Variants in ALDH1L2 observed in about 807,000 individuals in gnomAD.
ALDH1L2 encodes mitochondrial 10-formyltetrahydrofolate dehydrogenase.
ALDH1L2 carries 91 observed loss-of-function variants against 111.0 expected under a neutral mutation model. That is an observed-to-expected ratio of 0.82 (90% CI 0.69 to 0.98). The LOEUF is 0.98. Ranked by LOEUF, ALDH1L2 falls within the 50% of genes least tolerant of loss-of-function variation. The probability of loss-of-function intolerance (pLI) is 0.00; values close to 1 mark genes in which losing one functional copy is unlikely to be tolerated. For synonymous variants in ALDH1L2, 374 were observed against 392.6 expected (o/e 0.95, Z 0.56); for missense variants, 995 against 1,126.8 (o/e 0.88, Z 1.67).
rs761167365 is a variant in ALDH1L2, at chr12:105,058,104, TCTC to T, written c.1253_1255del (p.Gly418del). The T allele has an allele frequency of 1.2e-5, 20 of 1,613,340 alleles. No homozygotes were observed. The highest frequency in any genetic ancestry group is 4.5e-5 in the East Asian group (2 of 44,838). ...TACAACCAGCTCCACCTCTTGATCTTCTCCTCTCAGTTTCCTCACGACCTTTTG... is the reference window on the plus strand; with the variant it reads ...TACAACCAGCTCCACCTCTTGATCTTCTCTCAGTTTCCTCACGACCTTTTG... On this transcript the variant is annotated inframe_deletion, in exon 10 of 23. Coordinates refer to ENST00000258494, the MANE Select transcript of ALDH1L2 (RefSeq NM_001034173.4).
Position 105,062,992 on chromosome 12 carries a change from T to G in ALDH1L2, c.817A>C (p.Asn273His), listed in dbSNP as rs146068404. ...MVTFYGSTLLNSSVPPGEPLE... is the reference protein window; with the variant it reads ...MVTFYGSTLLHSSVPPGEPLE... ...GGTTCTCCAGGAGGCACAGAGCTATTCAGTAATGTCGAGCCATAGAAAGTG... is the reference window on the plus strand; with the variant it reads ...GGTTCTCCAGGAGGCACAGAGCTATGCAGTAATGTCGAGCCATAGAAAGTG... Residue 273 changes from asparagine (N) to histidine (H), a missense_variant, in exon 7 of 23, where the codon AAT (asparagine) becomes CAT (histidine). Transcript: ENST00000258494. 36 of 1,613,968 alleles carry G rather than the reference T, an allele frequency of 2.2e-5. No individual in the cohort carries two copies. The African/African-American group carries it at 4.3e-4, about 19-fold the overall frequency.
At chr12:105,045,655 C>A (rs75621636) in intron 15 of ALDH1L2, among the ~76,000 whole-genome samples, 10 of 152,046 alleles carry the variant, frequency 6.6e-5, no homozygotes, top group Non-Finnish European at 1.3e-4. Context: ...CTCTTTGTAT[C>A]TTTTGAATTT....
chr12:105,065,211 T>A, intron 6 of ALDH1L2, 56 bp downstream of exon 6: 1 of 1,127,142 alleles, frequency 8.9e-7, no homozygotes, highest in Non-Finnish European at 1.2e-6. Context: ...CTGTAATATC[T>A]CTTACAAAGG....
intron 18 of ALDH1L2, among the ~76,000 whole-genome samples, chr12:105,034,789 G>T (rs10861311): frequency 6.6e-6 from 1 of 151,952 alleles, no homozygotes; most frequent in Non-Finnish European, 1.5e-5. Context: ...TTCAAGACCA[G>T]TGTGGCCAAC....
At chr12:105,073,018 G>A (rs1347130465) in intron 2 of ALDH1L2, among the ~76,000 whole-genome samples, 2 of 152,160 alleles carry the variant, frequency 1.3e-5, no homozygotes, top group Admixed American at 1.3e-4. Context: ...AGACATCCAG[G>A]TGTTGAGCTT....
Position 105,031,809 on chromosome 12 carries a change from C to A in ALDH1L2, c.2370G>T (p.Gly790=), listed in dbSNP as rs375364740. 98 of 1,614,056 alleles carry A rather than the reference C, an allele frequency of 6.1e-5. No individual in the cohort carries two copies. Among genetic ancestry groups the A allele is most frequent in the Non-Finnish European group, 8.1e-5 (96 of 1,180,020 alleles). The part of the protein sequence containing the change: ...LQYCETGVKE[G]ATLVYGGRQV... ...GTCTTCCCCCGTACACCAAAGTGGC[C>A]CCTTCTTTCACTCCAGTTTCACAGT... The change falls in exon 20 of 23, where the codon GGG becomes GGT. Residue 790 remains glycine, a synonymous_variant. Coordinates refer to ENST00000258494, the MANE Select transcript of ALDH1L2 (RefSeq NM_001034173.4).
rs1357443661 is a variant in ALDH1L2 at position 105,067,141 on chromosome 12, G to A, written c.595-472C>T. On this transcript the variant is annotated intron_variant, in intron 4 of 22. Coordinates refer to ENST00000258494, the MANE Select transcript of ALDH1L2 (RefSeq NM_001034173.4). ...TGAGGCAGGAGAATGGCGTGAACCC[G>A]GGAGGCAGAGCTTGCAGTGAGCCGA... Among the ~76,000 whole-genome samples the A allele has an allele frequency of 4.7e-5, 7 of 150,004 alleles. No individual in the cohort carries two copies. The East Asian group carries it at 9.9e-4, about 21-fold the overall frequency.
chr12:105,040,143 A>C (rs1011374398), intron 16 of ALDH1L2, among the ~76,000 whole-genome samples: 73 of 151,494 alleles, frequency 4.8e-4, no homozygotes, highest in Non-Finnish European at 9.1e-4. Context: ...AAAAAAAAAA[A>C]AAAAAAAAAC....
At chr12:105,037,697 C>T (rs1307498853) in intron 18 of ALDH1L2, among the ~76,000 whole-genome samples, 1 of 151,976 alleles carries the variant, frequency 6.6e-6, no homozygotes, top group Non-Finnish European at 1.5e-5. Context: ...TAGACAAAAC[C>T]CAAATCTCAT....
intron 15 of ALDH1L2, among the ~76,000 whole-genome samples, chr12:105,045,918 G>A (rs4278585): frequency 0.37 from 56,064 of 151,526 alleles, 10,606 homozygotes; most frequent in South Asian, 0.52. Context: ...AGAAACCCAA[G>A]TAAGAAGTTT....
rs774503616 is a variant in ALDH1L2 at position 105,056,250 on chromosome 12, G to A, written c.1287+1823C>T. 3.3e-4 allele frequency among the ~76,000 whole-genome samples: 50 copies of A among 152,184 alleles called. 1 individual carries two copies. The highest frequency in any genetic ancestry group is 3.4e-3 in the Middle Eastern group (1 of 294). On this transcript the variant is annotated intron_variant, in intron 10 of 22. Transcript: ENST00000258494. ...AACCATGAAGGCCAGAAGGCAATACGATGAAATACTTAAAATGATAAAAGA... is the reference window on the plus strand; with the variant it reads ...AACCATGAAGGCCAGAAGGCAATACAATGAAATACTTAAAATGATAAAAGA...
intron 15 of ALDH1L2, among the ~76,000 whole-genome samples, chr12:105,042,847 T>C (rs1264498708): frequency 6.6e-6 from 1 of 150,984 alleles, no homozygotes; most frequent in Non-Finnish European, 1.5e-5. Flanking sequence ...TAAACATCTA[T>C]TATAGCAATG....
chr12:105,074,661 G>A (rs915658382), intron 1 of ALDH1L2, among the ~76,000 whole-genome samples: 1 of 151,888 alleles, frequency 6.6e-6, no homozygotes, highest in Non-Finnish European at 1.5e-5. Flanking sequence ...AATGGGATTC[G>A]CTAATGTTCT....
At chr12:105,067,178 T>C (rs1206628055) in intron 4 of ALDH1L2, among the ~76,000 whole-genome samples, 6 of 137,028 alleles carry the variant, frequency 4.4e-5, no homozygotes, top group African/African-American at 1.7e-4. Flanking sequence ...ATCACACCAC[T>C]GCACTCCAGC....
At chr12:105,027,730 T>C (rs1874485881) in intron 21 of ALDH1L2, among the ~76,000 whole-genome samples, 1 of 152,188 alleles carries the variant, frequency 6.6e-6, no homozygotes. Flanking sequence ...AATATTTTGG[T>C]AGAACCAACT....
At chr12:105,061,556 T>C in intron 8 of ALDH1L2, 71 bp downstream of exon 8, 2 of 1,589,024 alleles carry the variant, frequency 1.3e-6, no homozygotes, top group East Asian at 2.2e-5. Context: ...CTTTGAGGAC[T>C]GATGGTACCA....
chr12:105,064,221 A>T (rs952644075), intron 6 of ALDH1L2, among the ~76,000 whole-genome samples: 2 of 137,642 alleles, frequency 1.5e-5, no homozygotes, highest in African/African-American at 5.6e-5. Context: ...GACCTGGGTA[A>T]TCCTCCCACC....
intron 4 of ALDH1L2, among the ~76,000 whole-genome samples, chr12:105,067,215 C>CAAAAAAA (rs11334156): frequency 2.1e-5 from 2 of 97,244 alleles, no homozygotes; most frequent in African/African-American, 8.1e-5. Flanking sequence ...GACTCTGTCT[C>CAAAAAAA]AAAAAAAAAA....
rs956776121 is a variant in ALDH1L2, at chr12:105,072,584, G to T, written c.193+1277C>A. The T allele has an allele frequency of 1.1e-4, 17 of 152,142 alleles. 1 individual carries two copies. The highest frequency in any genetic ancestry group is 8.5e-4 in the Admixed American group (13 of 15,264). The allele number at this position is 152,142 out of a possible 1,614,324, so 9.4% of individuals were successfully genotyped here. ...CAGATGACAGGAAAGTGGATAAACG[G>T]TGGTTAAAAAAAATGTGATCATGAG... On this transcript the variant is annotated intron_variant, in intron 2 of 22. Transcript: ENST00000258494.
Sources: allele counts gnomAD v4.1 joint callset (sites outside exome capture counted in the v4.1 genomes callset), GRCh38; gene constraint gnomAD v4.1.1; transcripts MANE v1.5; gene names NCBI Gene and HGNC (gene_info 2026-07-23, HGNC 2026-07-21).